Variants in ASTN2 observed in about 807,000 individuals in gnomAD.
ASTN2 encodes astrotactin-2.
Under a neutral mutation model 139.8 loss-of-function variants are expected in ASTN2, and 54 were observed. The ratio of observed to expected loss-of-function variants is 0.39; its 90% confidence interval spans 0.31 to 0.48. ASTN2 has a LOEUF of 0.48. Ranked by LOEUF, ASTN2 falls within the 20% of genes least tolerant of loss-of-function variation. The pLI is 0.95. For synonymous variants in ASTN2, 756 were observed against 719.5 expected, an observed-to-expected ratio of 1.05 and a Z score of -0.81; for missense variants, 1,565 against 1,725.1, an observed-to-expected ratio of 0.91 and a Z score of 1.64.
intron 1 of ASTN2, among the ~76,000 whole-genome samples, chr9:117,292,597 G>T (rs1269418837): frequency 6.6e-6 from 1 of 152,136 alleles, no homozygotes; most frequent in Non-Finnish European, 1.5e-5. Context: ...TAGACAAGTA[G>T]TCTTAGTGGT....
At chr9:116,558,803 G>T (rs894081189) in intron 19 of ASTN2, among the ~76,000 whole-genome samples, 3 of 152,164 alleles carry the variant, frequency 2.0e-5, no homozygotes, top group Non-Finnish European at 2.9e-5. Flanking sequence ...CTGAGCCTCA[G>T]TTTCCTCAGA....
chr9:117,345,394 T>C (rs1294254855), intron 1 of ASTN2, among the ~76,000 whole-genome samples: 1 of 152,186 alleles, frequency 6.6e-6, no homozygotes, highest in East Asian at 1.9e-4. Flanking sequence ...AGCTACTTTC[T>C]GAGAGCTCTC....
At chr9:116,810,203 T>C (rs1831128202) in intron 12 of ASTN2, among the ~76,000 whole-genome samples, 1 of 152,234 alleles carries the variant, frequency 6.6e-6, no homozygotes, top group Non-Finnish European at 1.5e-5. Flanking sequence ...AAACAGTTTG[T>C]ATCTCTATTT....
intron 16 of ASTN2, chr9:116,687,426 A>T (rs1860308637): frequency 4.5e-6 from 1 of 222,456 alleles, no homozygotes; most frequent in Admixed American, 6.7e-5. Context: ...CCGCGGCCGG[A>T]GTCGTGGGCC....
At chr9:116,489,356 A>T (rs974836197) in intron 19 of ASTN2, among the ~76,000 whole-genome samples, 1 of 151,880 alleles carries the variant, frequency 6.6e-6, no homozygotes, top group Non-Finnish European at 1.5e-5. Flanking sequence ...AATTTTTTTG[A>T]GACAGGGTCT....
chr9:117,343,696 C>A (rs371816643), intron 1 of ASTN2, among the ~76,000 whole-genome samples: 200 of 152,144 alleles, frequency 1.3e-3, no homozygotes, highest in African/African-American at 4.3e-3. Context: ...CACATTCTAA[C>A]TCCACCCACA....
Position 116,663,749 on chromosome 9 carries a change from G to A in ASTN2, c.2807-11956C>T, listed in dbSNP as rs141068510. On this transcript the variant is annotated intron_variant, in intron 16 of 22. Coordinates refer to ENST00000313400, the MANE Select transcript of ASTN2 (RefSeq NM_001365068.1). ...GCAGTTTTACAGGCACATATTCCAG[G>A]ACAGATGTTCTGCTACTTGATTTGC... 5.8e-3 allele frequency among the ~76,000 whole-genome samples: 883 copies of A among 152,188 alleles called. 10 individuals carry two copies. Among genetic ancestry groups the A allele is most frequent in the African/African-American group, 0.02 (831 of 41,528 alleles).
At chr9:116,987,806 G>T (rs548723323) in intron 7 of ASTN2, among the ~76,000 whole-genome samples, 1 of 152,212 alleles carries the variant, frequency 6.6e-6, no homozygotes, top group East Asian at 1.9e-4. Context: ...TGCACTTGGG[G>T]CCATAATTAA....
rs575170759 is a variant in ASTN2 at position 116,672,051 on chromosome 9, A to G, written c.2807-20258T>C. 2.6e-4 allele frequency among the ~76,000 whole-genome samples: 39 copies of G among 152,306 alleles called. 4 individuals are homozygous for G. The South Asian group carries it at 7.9e-3, about 31-fold the overall frequency. On this transcript the variant is annotated intron_variant, in intron 16 of 22. Coordinates refer to ENST00000313400, the MANE Select transcript of ASTN2 (RefSeq NM_001365068.1). Reference sequence around the variant, plus strand: ...TGCTATATAATGACAGATAAGTAACATAAATACATAAAATTTTATATTATT... The same window carrying G: ...TGCTATATAATGACAGATAAGTAACGTAAATACATAAAATTTTATATTATT...
At chr9:117,131,274 C>A (rs1829820605) in intron 4 of ASTN2, among the ~76,000 whole-genome samples, 2 of 152,036 alleles carry the variant, frequency 1.3e-5, no homozygotes, top group Admixed American at 1.3e-4. Flanking sequence ...CTCATTATAC[C>A]CCTCTTCTTT....
chr9:116,865,717 G>A (rs1268954160), intron 10 of ASTN2, among the ~76,000 whole-genome samples: 1 of 152,156 alleles, frequency 6.6e-6, no homozygotes, highest in Non-Finnish European at 1.5e-5. Context: ...ACAGCTGGTG[G>A]GTGGGTGGGC....
At chr9:117,102,306 T>C (rs1828997955) in intron 4 of ASTN2, among the ~76,000 whole-genome samples, 1 of 152,196 alleles carries the variant, frequency 6.6e-6, no homozygotes, top group African/African-American at 2.4e-5. Context: ...TCATATTCTA[T>C]TTATATGAAA....
rs1285207642 is a variant in ASTN2, at chr9:116,803,370, C to T, written c.2396+2262G>A. Among the ~76,000 whole-genome samples the T allele has an allele frequency of 2.0e-5, 3 of 147,148 alleles. No homozygotes were observed. The Admixed American group carries it at 2.0e-4, about 10-fold the overall frequency. On this transcript the variant is annotated intron_variant, in intron 13 of 22. Coordinates refer to ENST00000313400, the MANE Select transcript of ASTN2 (RefSeq NM_001365068.1). Reference sequence around the variant, plus strand: ...TCACTCTGTTGCCCAGACTGGATTGCAGTGGCATGATCATAGCTCACTGTA... The same window carrying T: ...TCACTCTGTTGCCCAGACTGGATTGTAGTGGCATGATCATAGCTCACTGTA...
chr9:116,433,669 CA>C (rs1847564143), intron 22 of ASTN2, among the ~76,000 whole-genome samples: 1 of 152,102 alleles, frequency 6.6e-6, no homozygotes, highest in South Asian at 2.1e-4. Flanking sequence ...TGAACTTGTG[CA>C]ATGAAGCCAT....
intron 4 of ASTN2, among the ~76,000 whole-genome samples, chr9:117,125,760 CA>C (rs1829670277): frequency 1.3e-5 from 2 of 151,842 alleles, no homozygotes; most frequent in South Asian, 4.2e-4. Context: ...ATACAAACTC[CA>C]TCAGCAGAAC....
chr9:117,147,596 CT>C (rs1830230047), intron 3 of ASTN2, among the ~76,000 whole-genome samples: 1 of 152,176 alleles, frequency 6.6e-6, no homozygotes, highest in South Asian at 2.1e-4. Flanking sequence ...CATCATCAGT[CT>C]GTGACATAAG....
chr9:116,515,792 T>A (rs1429260607), intron 19 of ASTN2, among the ~76,000 whole-genome samples: 2 of 152,218 alleles, frequency 1.3e-5, no homozygotes, highest in Non-Finnish European at 2.9e-5. Flanking sequence ...ACATCAGAAG[T>A]GATTAGTCAC....
At position 116,425,800 on chromosome 9, in the gene ASTN2, G is replaced by C. The variant is rs745776921; in HGVS notation, c.*51C>G. 1 of 1,609,790 alleles carries C rather than the reference G, an allele frequency of 6.2e-7. No homozygotes were observed. The highest frequency in any genetic ancestry group is 8.5e-7 in the Non-Finnish European group (1 of 1,177,334). ...AGGCCCCAGGATCCAGGAGAATACT[G>C]CTCCCCCTCCCATGGAGAGTCTCTG... On this transcript the variant is annotated 3_prime_UTR_variant, in exon 23 of 23. Transcript: ENST00000313400.
intron 2 of ASTN2, among the ~76,000 whole-genome samples, chr9:117,232,837 C>A (rs957652518): frequency 6.6e-6 from 1 of 151,844 alleles, no homozygotes; most frequent in African/African-American, 2.4e-5. Flanking sequence ...CACATTTTCC[C>A]CCTTTTATCC....
Sources: gnomAD v4.1 joint callset for allele counts (sites outside exome capture counted in the v4.1 genomes callset) on GRCh38, gnomAD v4.1.1 for gene constraint, MANE v1.5 for transcripts, NCBI Gene and HGNC (gene_info 2026-07-23, HGNC 2026-07-21) for gene names.